Variants in AP2B1 observed in about 807,000 individuals in gnomAD.
The protein encoded by AP2B1 is AP-2 complex subunit beta.
AP2B1 carries 23 observed loss-of-function variants against 102.0 expected under a neutral mutation model. The observed-to-expected ratio is 0.23, with a 90% CI of 0.16 to 0.32. The LOEUF is 0.32. Ranked by LOEUF, AP2B1 falls within the 10% of genes least tolerant of loss-of-function variation. The pLI, the probability that AP2B1 is intolerant of heterozygous loss-of-function variation, is 1.00. For synonymous variants in AP2B1, 381 were observed against 421.2 expected (o/e 0.90, Z 1.17); for missense variants, 541 against 1,157.4 (o/e 0.47, Z 7.73).
At chr17:35,652,618 T>C (rs1048008178) in intron 13 of AP2B1, among the ~76,000 whole-genome samples, 1 of 152,212 alleles carries the variant, frequency 6.6e-6, no homozygotes, top group Non-Finnish European at 1.5e-5. Context: ...TCCCTTAAAA[T>C]TGGAAATGTC....
At chr17:35,688,063 T>G (rs1474585481) in intron 18 of AP2B1, among the ~76,000 whole-genome samples, 1 of 152,198 alleles carries the variant, frequency 6.6e-6, no homozygotes, top group East Asian at 1.9e-4. Flanking sequence ...CTAGACTGAT[T>G]TACTTGAATG....
intron 9 of AP2B1, among the ~76,000 whole-genome samples, chr17:35,632,381 C>T (rs780911572): frequency 9.2e-5 from 14 of 152,142 alleles, no homozygotes; most frequent in African/African-American, 1.9e-4. Flanking sequence ...ATGATCCACC[C>T]GCCTTGGCCT....
chr17:35,610,022 C>T (rs545313660), intron 5 of AP2B1, among the ~76,000 whole-genome samples: 29 of 152,158 alleles, frequency 1.9e-4, no homozygotes, highest in Non-Finnish European at 2.8e-4. Flanking sequence ...GGGTGGGCGT[C>T]GGTGTGGGTG....
At chr17:35,638,366 G>A (rs1316059593) in intron 10 of AP2B1, among the ~76,000 whole-genome samples, 1 of 152,126 alleles carries the variant, frequency 6.6e-6, no homozygotes, top group Non-Finnish European at 1.5e-5. Flanking sequence ...AACTACATTA[G>A]CCAAGGAGAT....
Position 35,724,220 on chromosome 17 carries a change from G to C in AP2B1, c.*521G>C, listed in dbSNP as rs2085480704. ...GGCAGAGATGCAGTTACCTACCCTA[G>C]CTTTTGATGGGTTCTCTTACCTGTA... On this transcript the variant is annotated 3_prime_UTR_variant, in exon 22 of 22. Transcript: ENST00000610402. 6.5e-6 allele frequency: 1 copy of C among 152,910 alleles called. No individual in the cohort carries two copies. Among genetic ancestry groups the C allele is most frequent in the Non-Finnish European group, 1.5e-5 (1 of 68,330 alleles). 9.5% of individuals were successfully genotyped at this position (152,910 alleles called of 1,614,324 possible). A position where few individuals can be genotyped will look rare whatever the true frequency, so the allele number is the denominator to read the frequency against.
chr17:35,597,119 G>A (rs1567769950), intron 2 of AP2B1: 8 of 517,222 alleles, frequency 1.5e-5, no homozygotes, highest in Non-Finnish European at 2.5e-5. Flanking sequence ...AGCGACCTCC[G>A]GAAGCGGAGA....
intron 17 of AP2B1, among the ~76,000 whole-genome samples, chr17:35,675,104 A>G (rs1002248727): frequency 1.3e-5 from 2 of 152,220 alleles, no homozygotes; most frequent in Non-Finnish European, 2.9e-5. Flanking sequence ...ATAAACCTTG[A>G]CAACCTCCTT....
chr17:35,685,195 G>A (rs2075905337), intron 18 of AP2B1, among the ~76,000 whole-genome samples: 1 of 152,090 alleles, frequency 6.6e-6, no homozygotes, highest in African/African-American at 2.4e-5. Context: ...TCATTAATTG[G>A]CATTTCCCAA....
intron 19 of AP2B1, 132 bp downstream of exon 19, chr17:35,709,440 T>C (rs2076405327): frequency 1.5e-6 from 1 of 685,304 alleles, no homozygotes; most frequent in Non-Finnish European, 2.5e-6. Context: ...TCTAAAGCTC[T>C]TAATAATTGC....
chr17:35,609,503 C>T lies in AP2B1; in HGVS notation c.525+1116C>T, dbSNP rs901904170. On this transcript the variant is annotated intron_variant, in intron 5 of 21. Coordinates refer to ENST00000610402, the MANE Select transcript of AP2B1 (RefSeq NM_001030006.2). ...CTGGGACTACAGGCGCCTGCCACCA[C>T]GCCTGGCTAATTTTTTGTATTTTTT... Among the ~76,000 whole-genome samples the T allele has an allele frequency of 1.4e-4, 21 of 152,128 alleles. 1 individual carries two copies. Among genetic ancestry groups the T allele is most frequent in the African/African-American group, 5.1e-4 (21 of 41,426 alleles).
intron 12 of AP2B1, among the ~76,000 whole-genome samples, chr17:35,644,753 G>T (rs2074878723): frequency 6.6e-6 from 1 of 152,110 alleles, no homozygotes; most frequent in Admixed American, 6.6e-5. Context: ...TAAGTATGCT[G>T]CTGGGTGCTG....
intron 12 of AP2B1, among the ~76,000 whole-genome samples, chr17:35,647,850 G>A (rs1317338901): frequency 6.7e-6 from 1 of 149,692 alleles, no homozygotes; most frequent in Non-Finnish European, 1.5e-5. Flanking sequence ...TAAAGAAAAT[G>A]TTTTTTGTTT....
chr17:35,671,023 G>GT, intron 15 of AP2B1, 125 bp downstream of exon 15: 1 of 921,174 alleles, frequency 1.1e-6, no homozygotes, highest in Non-Finnish European at 1.7e-6. Context: ...CTCTATAACA[G>GT]TATATGGGTA....
At chr17:35,627,588 AT>A in intron 8 of AP2B1, 42 bp from the exon 9 acceptor site, 1 of 1,612,898 alleles carries the variant, frequency 6.2e-7, no homozygotes, top group Non-Finnish European at 8.5e-7. Context: ...TGAGATTGCT[AT>A]TTGAGAATCC....
intron 1 of AP2B1, among the ~76,000 whole-genome samples, chr17:35,588,424 G>C (rs938485193): frequency 6.6e-6 from 1 of 152,280 alleles, no homozygotes; most frequent in East Asian, 1.9e-4. Context: ...TTACAGGCGT[G>C]AGCCAGCGCG....
chr17:35,636,481 C>G (rs370429115), intron 10 of AP2B1, 25 bp downstream of exon 10: 7 of 1,559,336 alleles, frequency 4.5e-6, no homozygotes, highest in African/African-American at 4.1e-5. Flanking sequence ...CTTTACCCCT[C>G]TTTCTCAAAT....
At chr17:35,644,544 A>ATT (rs556891338) in intron 12 of AP2B1, among the ~76,000 whole-genome samples, 12 of 135,910 alleles carry the variant, frequency 8.8e-5, no homozygotes, top group East Asian at 2.1e-4. Flanking sequence ...CGCCCAGCTA[A>ATT]TTTTTTTTTT....
chr17:35,638,240 T>C (rs1277395756), intron 10 of AP2B1, among the ~76,000 whole-genome samples: 1 of 152,148 alleles, frequency 6.6e-6, no homozygotes. Flanking sequence ...ACGGTTTATG[T>C]TTAAGAAAGC....
At chr17:35,606,082 C>T (rs1223475061) in intron 4 of AP2B1, among the ~76,000 whole-genome samples, 2 of 152,102 alleles carry the variant, frequency 1.3e-5, no homozygotes, top group African/African-American at 4.8e-5. Context: ...ACTGTTTTAC[C>T]TTCTGAGGCT....
Sources: gnomAD v4.1 joint callset for allele counts (sites outside exome capture counted in the v4.1 genomes callset) on GRCh38, gnomAD v4.1.1 for gene constraint, MANE v1.5 for transcripts, NCBI Gene and HGNC (gene_info 2026-07-23, HGNC 2026-07-21) for gene names.